TALDO1: variants seen among roughly 807,000 people sequenced by gnomAD.
TALDO1 encodes transaldolase 1, also known as transaldolase.
TALDO1 carries 29 observed loss-of-function variants against 38.1 expected under a neutral mutation model. The ratio of observed to expected loss-of-function variants is 0.76; its 90% CI spans 0.57 to 1.04. The LOEUF is 1.04. Ranked by LOEUF, TALDO1 falls within the 50% of genes least tolerant of loss-of-function variation. TALDO1 has a pLI of 0.00. For missense variants in TALDO1, 499 were observed against 438.1 expected (o/e 1.14, Z -1.24); for synonymous variants, 207 against 176.8 (o/e 1.17, Z -1.36).
At chr11:748,248 A>T (rs922187952) in intron 1 of TALDO1, among the ~76,000 whole-genome samples, 5 of 152,198 alleles carry the variant, frequency 3.3e-5, no homozygotes, top group Non-Finnish European at 7.4e-5. Flanking sequence ...TGCGGTGCCC[A>T]GTGGGACAAC....
chr11:759,200 A>G (rs1862891833), intron 3 of TALDO1, 143 bp downstream of exon 3: 1 of 706,458 alleles, frequency 1.4e-6, no homozygotes, highest in Non-Finnish European at 2.6e-6. Context: ...GAGCTCTCCC[A>G]CAGTTGGTAG....
rs148461396 is a variant in TALDO1 at position 758,722 on chromosome 11, A to G, written c.222-228A>G. The stretch of plus-strand genomic sequence containing the variant: ...CAGGTTCACGTCATTCTCCTGCCTC[A>G]GCCTCCCTAGTAACTAGGACTACAG... On this transcript the variant is annotated intron_variant, in intron 2 of 7. Coordinates refer to ENST00000319006, the MANE Select transcript of TALDO1 (RefSeq NM_006755.2). Among the ~76,000 whole-genome samples the G allele has an allele frequency of 4.3e-4, 66 of 151,896 alleles. 1 individual carries two copies. The highest frequency in any genetic ancestry group is 1.5e-3 in the African/African-American group (63 of 41,424).
intron 1 of TALDO1, among the ~76,000 whole-genome samples, chr11:750,469 C>T (rs543321789): frequency 6.7e-6 from 1 of 149,634 alleles, no homozygotes; most frequent in East Asian, 2.0e-4. Context: ...GCTTAGGAGA[C>T]AAAGTGAGAC....
intron 7 of TALDO1, 132 bp from the exon 8 acceptor site, chr11:764,681 C>T (rs1590072491): frequency 6.8e-7 from 1 of 1,479,398 alleles, no homozygotes; most frequent in Non-Finnish European, 9.4e-7. Context: ...GTATTGGCCA[C>T]CCTGTGGCCG....
At chr11:759,790 C>T (rs1003841804) in intron 3 of TALDO1, among the ~76,000 whole-genome samples, 2 of 152,184 alleles carry the variant, frequency 1.3e-5, no homozygotes, top group African/African-American at 4.8e-5. Context: ...CCATGTTGGC[C>T]AGGATGGTCT....
intron 2 of TALDO1, 172 bp downstream of exon 2, chr11:756,174 C>T (rs1246772622): frequency 1.1e-6 from 1 of 923,902 alleles, no homozygotes; most frequent in African/African-American, 1.7e-5. Flanking sequence ...CATGAAGTAA[C>T]CTGCACCTGT....
chr11:756,512 A>ATTT (rs34721664), intron 2 of TALDO1, among the ~76,000 whole-genome samples: 46 of 115,342 alleles, frequency 4.0e-4, no homozygotes, highest in Middle Eastern at 5.0e-3. Context: ...TCATTTTTGT[A>ATTT]TTTTTTTTTT....
intron 4 of TALDO1, 115 bp downstream of exon 4, chr11:760,368 G>T: frequency 1.3e-6 from 2 of 1,509,964 alleles, no homozygotes; most frequent in Non-Finnish European, 1.8e-6. Flanking sequence ...CCAGACTGGG[G>T]AGCACAGCCC....
intron 1 of TALDO1, among the ~76,000 whole-genome samples, chr11:748,844 A>T (rs1388136885): frequency 6.6e-6 from 1 of 152,192 alleles, no homozygotes; most frequent in East Asian, 1.9e-4. Flanking sequence ...ATAAGAAAGA[A>T]AGCTCCAGAA....
chr11:763,332 C>G lies in TALDO1; in HGVS notation c.462-12C>G. Reference sequence around the variant, plus strand: ...CTCACCTGCCCCGCCCTCACCTGTCCCCGCCCCGCAGGGAGCTCGAGGAGC... The same window carrying G: ...CTCACCTGCCCCGCCCTCACCTGTCGCCGCCCCGCAGGGAGCTCGAGGAGC... On this transcript the variant is annotated splice_polypyrimidine_tract_variant and intron_variant, in intron 4 of 7. Coordinates refer to ENST00000319006, the MANE Select transcript of TALDO1 (RefSeq NM_006755.2). 1 of 1,580,704 alleles carries G rather than the reference C, an allele frequency of 6.3e-7. No homozygotes were observed. The highest frequency in any genetic ancestry group is 8.6e-7 in the Non-Finnish European group (1 of 1,162,304).
intron 4 of TALDO1, among the ~76,000 whole-genome samples, chr11:761,646 C>G (rs1399366813): frequency 6.6e-6 from 1 of 152,214 alleles, no homozygotes; most frequent in Non-Finnish European, 1.5e-5. Flanking sequence ...TGTTTTGTTT[C>G]CACATCTGTG....
chr11:763,687 G>A lies in TALDO1; in HGVS notation c.638-60G>A, dbSNP rs578188130. On this transcript the variant is annotated intron_variant, in intron 5 of 7. Coordinates refer to ENST00000319006, the MANE Select transcript of TALDO1 (RefSeq NM_006755.2). ...GTAGTGCAGCCGGCAGGCACTGGGA[G>A]GGCAGGTGGGGTGGTACCTCTGCCG... is the stretch of plus-strand genomic sequence containing the variant. The A allele has an allele frequency of 4.5e-5, 71 of 1,590,140 alleles. No homozygotes were observed. The Middle Eastern group carries it at 5.0e-4, about 11-fold the overall frequency.
At chr11:764,683 C>G (rs1863017687) in intron 7 of TALDO1, 130 bp from the exon 8 acceptor site, 3 of 1,468,438 alleles carry the variant, frequency 2.0e-6, no homozygotes, top group Middle Eastern at 2.1e-4. Context: ...ATTGGCCACC[C>G]TGTGGCCGTG....
intron 1 of TALDO1, among the ~76,000 whole-genome samples, chr11:750,416 A>T (rs541130214): frequency 6.6e-6 from 1 of 152,006 alleles, no homozygotes; most frequent in South Asian, 2.1e-4. Flanking sequence ...TAAGCCCAGG[A>T]GGTTGAGGCA....
intron 4 of TALDO1, among the ~76,000 whole-genome samples, chr11:762,216 G>A (rs1283257138): frequency 2.0e-5 from 3 of 152,222 alleles, no homozygotes; most frequent in African/African-American, 4.8e-5. Flanking sequence ...CGCCCGCCTC[G>A]GCCTCCCAAA....
chr11:760,524 C>T, intron 4 of TALDO1: 2 of 462,238 alleles, frequency 4.3e-6, no homozygotes, highest in South Asian at 4.1e-5. Flanking sequence ...CACTAGTTAG[C>T]ACCTGCAGAT....
rs141574406 is a variant in TALDO1 at position 755,568 on chromosome 11, G to A, written c.98-311G>A. Among the ~76,000 whole-genome samples the A allele has an allele frequency of 6.6e-4, 101 of 152,292 alleles. No individual in the cohort carries two copies. In the Middle Eastern group the frequency reaches 0.017, roughly 26 times the overall value. On this transcript the variant is annotated intron_variant, in intron 1 of 7. Transcript: ENST00000319006. Reference sequence around the variant, plus strand: ...CCTTGTGGTGGTACGGCAGTGGGATGCACATTTTCCTTTGACCAGCGTTCT... The same window carrying A: ...CCTTGTGGTGGTACGGCAGTGGGATACACATTTTCCTTTGACCAGCGTTCT...
rs1379501440 is a variant in TALDO1 at position 758,953 on chromosome 11, A to T, written c.225A>T (p.Ser75=). The T allele has an allele frequency of 1.2e-6, 2 of 1,610,332 alleles. No homozygotes were observed. The highest frequency in any genetic ancestry group is 2.2e-5 in the East Asian group (1 of 44,700). The change falls in exon 3 of 8, where the codon TCA becomes TCT. Residue 75 remains serine (S), a synonymous_variant. Transcript: ENST00000319006. ...AIAYGRKLGG[S]QEDQIKNAID... The stretch of plus-strand genomic sequence containing the variant: ...TTTTTTTCCCTTTGAATTTCAGGTC[A>T]CAAGAGGACCAGATTAAAAATGCTA...
chr11:764,263 T>C (rs763004491), intron 6 of TALDO1, 25 bp from the exon 7 acceptor site: 1 of 1,613,966 alleles, frequency 6.2e-7, no homozygotes, highest in Admixed American at 1.7e-5. Context: ...GGAGCAGGCA[T>C]GGAAGGCTGG....
Sources: gnomAD v4.1 joint callset for allele counts (sites outside exome capture counted in the v4.1 genomes callset) on GRCh38, gnomAD v4.1.1 for gene constraint, MANE v1.5 for transcripts, NCBI Gene and HGNC (gene_info 2026-07-23, HGNC 2026-07-21) for gene names.